DUSP19: variants seen among roughly 807,000 people sequenced by gnomAD.
The protein encoded by DUSP19 is dual specificity protein phosphatase 19.
In DUSP19, 14 loss-of-function variants were observed where a neutral mutation model predicts 16.6. The observed-to-expected ratio is 0.84, with a 90% confidence interval of 0.56 to 1.32. DUSP19 has a LOEUF of 1.32. DUSP19 is among the 40% of genes most tolerant of loss of function. DUSP19 has a pLI of 0.00. For missense variants in DUSP19, 258 were observed against 255.9 expected (o/e 1.01, Z -0.06); for synonymous variants, 81 against 90.5 (o/e 0.90, Z 0.59).
rs533686454 is a variant in DUSP19 at position 183,098,573 on chromosome 2, G to T, written c.*2915G>T. 6.6e-6 allele frequency: 1 copy of T among 152,274 alleles called. No homozygotes were observed. Among genetic ancestry groups the T allele is most frequent in the South Asian group, 2.1e-4 (1 of 4,826 alleles). The allele number at this position is 152,274 out of a possible 1,614,324, so 9.4% of individuals were successfully genotyped here. A position where few individuals can be genotyped will look rare whatever the true frequency, so the allele number is the denominator to read the frequency against. On this transcript the variant is annotated 3_prime_UTR_variant, in exon 4 of 4. Coordinates refer to ENST00000354221, the MANE Select transcript of DUSP19 (RefSeq NM_080876.4). Reference sequence around the variant, plus strand: ...TCTGTTTTAAAGGAGAGGAAAAATAGTTCAAGGAGTTTTTGCCTCTTTGTT... The same window carrying T: ...TCTGTTTTAAAGGAGAGGAAAAATATTTCAAGGAGTTTTTGCCTCTTTGTT...
rs551126054 is a variant in DUSP19 at position 183,088,124 on chromosome 2, C to T, written c.426+932C>T. ...TTATAATAATGTATTTTTACCATACCTTTTCTATGTTTATGTATGTTTAGA... is the reference window on the plus strand; with the variant it reads ...TTATAATAATGTATTTTTACCATACTTTTTCTATGTTTATGTATGTTTAGA... On this transcript the variant is annotated intron_variant, in intron 3 of 3. Coordinates refer to ENST00000354221, the MANE Select transcript of DUSP19 (RefSeq NM_080876.4). 6.6e-4 allele frequency among the ~76,000 whole-genome samples: 100 copies of T among 152,090 alleles called. 1 individual carries two copies. The South Asian group carries it at 0.021, about 31-fold the overall frequency.
Position 183,095,608 on chromosome 2 carries a change from G to C in DUSP19, c.604G>C (p.Glu202Gln). 1 of 1,614,010 alleles carries C rather than the reference G, an allele frequency of 6.2e-7. No homozygotes were observed. The highest frequency in any genetic ancestry group is 1.1e-5 in the South Asian group (1 of 91,072). The change falls in exon 4 of 4, where the codon GAG becomes CAG. Residue 202 changes from glutamate (E) to glutamine (Q), a missense_variant. Coordinates refer to ENST00000354221, the MANE Select transcript of DUSP19 (RefSeq NM_080876.4). ...GFMEQLRTYQ[E>Q]GKESNKCDRI... ...CATGGAGCAGCTTCGTACATATCAA[G>C]AGGGCAAAGAAAGCAATAAGTGTGA...
At chr2:183,087,758 T>C (rs1231924984) in intron 3 of DUSP19, among the ~76,000 whole-genome samples, 1 of 152,216 alleles carries the variant, frequency 6.6e-6, no homozygotes, top group Non-Finnish European at 1.5e-5. Flanking sequence ...GTAAGATACG[T>C]AGATGGGAAA....
chr2:183,078,896 G>A lies in DUSP19; in HGVS notation c.-38G>A. Reference sequence around the variant, plus strand: ...AGTTCAGCCGTTTTCTATGCCTGCTGGATTTGTTTGTATTTGTTCCCAGCC... The same window carrying A: ...AGTTCAGCCGTTTTCTATGCCTGCTAGATTTGTTTGTATTTGTTCCCAGCC... On this transcript the variant is annotated 5_prime_UTR_variant, in exon 1 of 4. Transcript: ENST00000354221. 1 of 1,596,400 alleles carries A rather than the reference G, an allele frequency of 6.3e-7. No homozygotes were observed. The highest frequency in any genetic ancestry group is 8.6e-7 in the Non-Finnish European group (1 of 1,166,606).
intron 1 of DUSP19, 82 bp from the exon 2 acceptor site, chr2:183,083,426 T>A: frequency 3.1e-6 from 4 of 1,305,596 alleles, no homozygotes; most frequent in East Asian, 2.5e-5. Context: ...TTTTTTTTAA[T>A]AACAGAATTG....
intron 2 of DUSP19, among the ~76,000 whole-genome samples, chr2:183,083,957 G>C (rs1282596380): frequency 6.6e-6 from 1 of 152,084 alleles, no homozygotes; most frequent in Non-Finnish European, 1.5e-5. Flanking sequence ...CAACTGATGT[G>C]ATTTATTACA....
At position 183,096,496 on chromosome 2, in the gene DUSP19, T is replaced by C. The variant is rs984447603; in HGVS notation, c.*838T>C. ...GGTGATCCACCCACCTTGGCCTCTC[T>C]AAATACTGGGATTACAGGCGTGAGC... On this transcript the variant is annotated 3_prime_UTR_variant, in exon 4 of 4. Coordinates refer to ENST00000354221, the MANE Select transcript of DUSP19 (RefSeq NM_080876.4). 2 of 151,910 alleles carry C rather than the reference T, an allele frequency of 1.3e-5. No individual in the cohort carries two copies. The highest frequency in any genetic ancestry group is 4.8e-5 in the African/African-American group (2 of 41,390). The allele number at this position is 151,910 out of a possible 1,614,324, so 9.4% of individuals were successfully genotyped here.
rs576837682 is a variant in DUSP19 at position 183,083,676 on chromosome 2, T to A, written c.273+122T>A. 2.6e-5 allele frequency: 19 copies of A among 724,276 alleles called. No individual in the cohort carries two copies. The East Asian group carries it at 5.2e-4, about 20-fold the overall frequency. 44.9% of individuals were successfully genotyped at this position (724,276 alleles called of 1,614,324 possible). On this transcript the variant is annotated intron_variant, in intron 2 of 3. Transcript: ENST00000354221. ...AGTTTATTTGGTAACATTTTGGCTA[T>A]CATTTCAATAGAGTTGAAAAATAAT...
intron 3 of DUSP19, 85 bp downstream of exon 3, chr2:183,087,277 T>C (rs1699674883): frequency 7.8e-7 from 1 of 1,286,246 alleles, no homozygotes; most frequent in Admixed American, 2.9e-5. Flanking sequence ...ATTTTTATAA[T>C]GAATCTCTAA....
At position 183,079,891 on chromosome 2, in the gene DUSP19, A is replaced by G. The variant is rs529038055; in HGVS notation, c.226+732A>G. On this transcript the variant is annotated intron_variant, in intron 1 of 3. Coordinates refer to ENST00000354221, the MANE Select transcript of DUSP19 (RefSeq NM_080876.4). ...TATGAATAGAGAAATTAAGACTTGG[A>G]AAGACTAAATGACTTATCACTATGC... Among the ~76,000 whole-genome samples the G allele has an allele frequency of 7.3e-4, 111 of 152,344 alleles. 1 individual carries two copies. The highest frequency in any genetic ancestry group is 3.4e-3 in the Middle Eastern group (1 of 294).
Position 183,097,075 on chromosome 2 carries a change from G to C in DUSP19, c.*1417G>C, listed in dbSNP as rs6759305. ...GGGTCTTGCTCTGTCACCTAGGCTAGAGTGGAGTGGCATGAACACAACGCA... is the reference window on the plus strand; with the variant it reads ...GGGTCTTGCTCTGTCACCTAGGCTACAGTGGAGTGGCATGAACACAACGCA... On this transcript the variant is annotated 3_prime_UTR_variant, in exon 4 of 4. Transcript: ENST00000354221. 1.3e-5 allele frequency: 2 copies of C among 148,866 alleles called. No homozygotes were observed. The highest frequency in any genetic ancestry group is 3.0e-5 in the Non-Finnish European group (2 of 67,578). 9.2% of individuals were successfully genotyped at this position (148,866 alleles called of 1,614,324 possible).
At chr2:183,093,900 A>G (rs1699765019) in intron 3 of DUSP19, among the ~76,000 whole-genome samples, 1 of 152,168 alleles carries the variant, frequency 6.6e-6, no homozygotes, top group African/African-American at 2.4e-5. Context: ...TTTATGCTAA[A>G]TGAAGTTCAT....
rs1699839342 is a variant in DUSP19, at chr2:183,099,000, C to T, written c.*3342C>T. On this transcript the variant is annotated 3_prime_UTR_variant, in exon 4 of 4. Transcript: ENST00000354221. ...TTTGTTTGCAATTTTACTTTTTCTT[C>T]CCTTCTTCCCTATTGAACCTTGATT... 6.6e-6 allele frequency: 1 copy of T among 151,978 alleles called. No homozygotes were observed. Among genetic ancestry groups the T allele is most frequent in the Non-Finnish European group, 1.5e-5 (1 of 67,988 alleles). 9.4% of individuals were successfully genotyped at this position (151,978 alleles called of 1,614,324 possible). A position where few individuals can be genotyped will look rare whatever the true frequency, so the allele number is the denominator to read the frequency against.
rs1371503840 is a variant in DUSP19 at position 183,095,617 on chromosome 2, G to T, written c.613G>T (p.Glu205Ter). 4.3e-6 allele frequency: 7 copies of T among 1,613,914 alleles called. No homozygotes were observed. The highest frequency in any genetic ancestry group is 3.4e-6 in the Non-Finnish European group (4 of 1,179,952). ...GCTTCGTACATATCAAGAGGGCAAA[G>T]AAAGCAATAAGTGTGACAGAATACA... ...EQLRTYQEGKESNKCDRIQEN... is the reference protein window; with the variant it reads ...EQLRTYQEGK Residue 205 changes from glutamate (E) to a stop codon, truncating the protein, a stop_gained, in exon 4 of 4, where the codon GAA (glutamate) becomes TAA (stop). Coordinates refer to ENST00000354221, the MANE Select transcript of DUSP19 (RefSeq NM_080876.4). LOFTEE classifies it low-confidence loss of function (END_TRUNC).
In DUSP19 at chr2:183,095,697, A is replaced by G; in HGVS notation, c.*39A>G. 4 of 1,513,328 alleles carry G rather than the reference A, an allele frequency of 2.6e-6. No homozygotes were observed. The highest frequency in any genetic ancestry group is 3.6e-6 in the Non-Finnish European group (4 of 1,102,142). 93.7% of individuals were successfully genotyped at this position (1,513,328 alleles called of 1,614,324 possible). ...AGACAATGGACAACTGTAGTTTCTG[A>G]ATTGACTTCTATAGCCATCTTTTCC... On this transcript the variant is annotated 3_prime_UTR_variant, in exon 4 of 4. Coordinates refer to ENST00000354221, the MANE Select transcript of DUSP19 (RefSeq NM_080876.4).
chr2:183,093,775 ATAAAG>A lies in DUSP19; in HGVS notation c.427-1650_427-1646del, dbSNP rs368453257. 8.6e-3 allele frequency among the ~76,000 whole-genome samples: 1,313 copies of A among 152,310 alleles called. 18 individuals carry two copies. The highest frequency in any genetic ancestry group is 0.031 in the African/African-American group (1,273 of 41,558). Reference sequence around the variant, plus strand: ...ATGTTCAAAAGCCTATGTATGCATCATAAAGTAAAGCCGACTAGTATATAAGCAGG... The same window carrying A: ...ATGTTCAAAAGCCTATGTATGCATCATAAAGCCGACTAGTATATAAGCAGG... On this transcript the variant is annotated intron_variant, in intron 3 of 3. Transcript: ENST00000354221.
chr2:183,091,793 G>A (rs1458917526), intron 3 of DUSP19, among the ~76,000 whole-genome samples: 1 of 152,208 alleles, frequency 6.6e-6, no homozygotes. Context: ...TTGTTACTTA[G>A]GTGTGGAAAG....
At chr2:183,079,299 C>A in intron 1 of DUSP19, 140 bp downstream of exon 1, 1 of 825,660 alleles carries the variant, frequency 1.2e-6, no homozygotes, top group East Asian at 2.7e-5. Flanking sequence ...GGATATGGAA[C>A]TTCCATTAGC....
At chr2:183,080,152 G>C (rs1699574542) in intron 1 of DUSP19, among the ~76,000 whole-genome samples, 1 of 152,176 alleles carries the variant, frequency 6.6e-6, no homozygotes, top group Non-Finnish European at 1.5e-5. Context: ...GTTATACTAG[G>C]CTGCCTCACA....
Sources: gnomAD v4.1 joint callset for allele counts (sites outside exome capture counted in the v4.1 genomes callset) on GRCh38, gnomAD v4.1.1 for gene constraint, MANE v1.5 for transcripts, NCBI Gene and HGNC (gene_info 2026-07-23, HGNC 2026-07-21) for gene names.